The following MYOM3 variants were observed in gnomAD, a reference collection of about 807,000 sequenced individuals.
MYOM3 encodes the protein myomesin-3.
Under a neutral mutation model 191.7 loss-of-function variants are expected in MYOM3, and 155 were observed. The ratio of observed to expected loss-of-function variants is 0.81; its 90% CI spans 0.71 to 0.92. The LOEUF (loss-of-function observed/expected upper bound fraction) is 0.92. MYOM3 is among the 40% of genes least tolerant of loss of function. The pLI, the probability that MYOM3 is intolerant of heterozygous loss-of-function variation, is 0.00. For missense variants in MYOM3, 1,889 were observed against 1,890.6 expected (o/e 1.00, Z 0.02); for synonymous variants, 757 against 762.9 (o/e 0.99, Z 0.13).
At position 24,108,106 on chromosome 1, in the gene MYOM3, T is replaced by C. The variant is rs765671838; in HGVS notation, c.162-33A>G. The C allele has an allele frequency of 2.5e-6, 4 of 1,600,820 alleles. No homozygotes were observed. The South Asian group carries it at 4.5e-5, about 18-fold the overall frequency. On this transcript the variant is annotated intron_variant, in intron 2 of 36. Coordinates refer to ENST00000374434, the MANE Select transcript of MYOM3 (RefSeq NM_152372.4). Reference sequence around the variant, plus strand: ...CAGAAGGAGGGGAGTAAATGGCTCTTGCAGGATTGGCTGGGGGCTCCCTGA... The same window carrying C: ...CAGAAGGAGGGGAGTAAATGGCTCTCGCAGGATTGGCTGGGGGCTCCCTGA...
At chr1:24,065,324 G>T (rs958258148) in intron 29 of MYOM3, among the ~76,000 whole-genome samples, 7 of 152,192 alleles carry the variant, frequency 4.6e-5, no homozygotes, top group Non-Finnish European at 1.0e-4. Context: ...GCAGAAAAAG[G>T]TTGACGTTTG....
In MYOM3 at chr1:24,074,230, C is replaced by T. The variant is rs760433653; in HGVS notation, c.2898G>A (p.Leu966=). Residue 966 remains leucine, a synonymous_variant, in exon 23 of 37, where the codon TTG becomes TTA. Transcript: ENST00000374434. Reference sequence around the variant, plus strand: ...CAGTGACTATGACTGAGTAGGTGCCCAAATCCTCGAGGCCGGGTTCTTTCA... The same window carrying T: ...CAGTGACTATGACTGAGTAGGTGCCTAAATCCTCGAGGCCGGGTTCTTTCA... ...VILKEPGLED[L]GTYSVIVTDA... 1 of 1,614,064 alleles carries T rather than the reference C, an allele frequency of 6.2e-7. No individual in the cohort carries two copies. Among genetic ancestry groups the T allele is most frequent in the Admixed American group, 1.7e-5 (1 of 60,010 alleles).
intron 15 of MYOM3, 39 bp downstream of exon 15, chr1:24,086,605 G>A (rs781718591): frequency 2.8e-5 from 45 of 1,596,850 alleles, no homozygotes; most frequent in Non-Finnish European, 3.8e-5. Context: ...AGCCTGGCCT[G>A]GCCTGCCTCC....
chr1:24,088,209 CA>C (rs1643771096), intron 14 of MYOM3, among the ~76,000 whole-genome samples: 1 of 152,080 alleles, frequency 6.6e-6, no homozygotes, highest in Non-Finnish European at 1.5e-5. Context: ...CCTAGAAGCA[CA>C]AGGGGACCCA....
At chr1:24,081,842 C>T (rs1643673222) in intron 18 of MYOM3, 159 bp downstream of exon 18, 3 of 727,242 alleles carry the variant, frequency 4.1e-6, no homozygotes, top group Non-Finnish European at 4.5e-6. Context: ...CTAAACAGTT[C>T]TGTTCAAGGT....
chr1:24,079,321 C>T (rs1643639771), intron 20 of MYOM3, among the ~76,000 whole-genome samples: 1 of 152,028 alleles, frequency 6.6e-6, no homozygotes, highest in East Asian at 1.9e-4. Context: ...CCACTTCAGC[C>T]TCCCGAGTAG....
intron 5 of MYOM3, among the ~76,000 whole-genome samples, chr1:24,102,463 C>G (rs71640821): frequency 6.6e-6 from 1 of 152,040 alleles, no homozygotes; most frequent in African/African-American, 2.4e-5. Flanking sequence ...GCTCACCCCT[C>G]CCTCTCTCTG....
intron 3 of MYOM3, 21 bp from the exon 4 acceptor site, chr1:24,107,253 G>A (rs780909460): frequency 1.8e-5 from 29 of 1,581,040 alleles, no homozygotes; most frequent in Middle Eastern, 1.7e-4. Context: ...AGAGGCCATC[G>A]GGGCTCAGGC....
intron 2 of MYOM3, 62 bp from the exon 3 acceptor site, chr1:24,108,135 T>C: frequency 2.7e-6 from 4 of 1,503,290 alleles, no homozygotes; most frequent in Non-Finnish European, 3.7e-6. Flanking sequence ...TCCCTGAGAT[T>C]AGGGCTGCAT....
Position 24,063,982 on chromosome 1 carries a change from G to T in MYOM3, c.3622+90C>A. 1.0e-6 allele frequency: 1 copy of T among 959,930 alleles called. No homozygotes were observed. The highest frequency in any genetic ancestry group is 1.5e-5 in the South Asian group (1 of 66,850). 59.5% of individuals were successfully genotyped at this position (959,930 alleles called of 1,614,324 possible). A position where few individuals can be genotyped will look rare whatever the true frequency, so the allele number is the denominator to read the frequency against. Reference sequence around the variant, plus strand: ...GTGCCTCAATTTCTCCAAGTGACATGGGGATCCCATAAATCTTACTGCACA... The same window carrying T: ...GTGCCTCAATTTCTCCAAGTGACATTGGGATCCCATAAATCTTACTGCACA... On this transcript the variant is annotated intron_variant, in intron 30 of 36. Transcript: ENST00000374434. The surrounding 1 kb of genome is among the most constrained non-coding windows in gnomAD (Gnocchi z 4.5).
Position 24,065,929 on chromosome 1 carries a change from C to T in MYOM3, c.3496G>A (p.Asp1166Asn). 6.2e-7 allele frequency: 1 copy of T among 1,614,116 alleles called. No homozygotes were observed. Among genetic ancestry groups the T allele is most frequent in the Non-Finnish European group, 8.5e-7 (1 of 1,179,930 alleles). Residue 1166 changes from aspartate (D) to asparagine (N), a missense_variant, in exon 29 of 37, where the codon GAC becomes AAC. Asp to Asn is a conservative substitution (Grantham distance 23). Coordinates refer to ENST00000374434, the MANE Select transcript of MYOM3 (RefSeq NM_152372.4). ...QRAEMPDGQY[D>N]PETGTGLLCI... ...AGAAGTCCCGTTCCCGTCTCTGGGT[C>T]ATACTGACCATCTGGCATCTCTGCC...
At chr1:24,080,915 G>A (rs1643660799) in intron 19 of MYOM3, among the ~76,000 whole-genome samples, 1 of 152,140 alleles carries the variant, frequency 6.6e-6, no homozygotes, top group Admixed American at 6.5e-5. Context: ...CAGTGGGTAG[G>A]GTGGCCAACT....
chr1:24,072,832 G>A (rs1277255546), intron 23 of MYOM3, among the ~76,000 whole-genome samples: 1 of 152,206 alleles, frequency 6.6e-6, no homozygotes, highest in Non-Finnish European at 1.5e-5. Context: ...ACTGTGCCTG[G>A]CCTGCTGACT....
intron 29 of MYOM3, 150 bp from the exon 30 acceptor site, chr1:24,064,309 C>G: frequency 1.7e-6 from 1 of 600,102 alleles, no homozygotes; most frequent in South Asian, 2.0e-5. Flanking sequence ...TCCATTTACT[C>G]ATCTGGGCTG....
intron 15 of MYOM3, among the ~76,000 whole-genome samples, chr1:24,086,210 G>T (rs1311020441): frequency 6.6e-6 from 1 of 152,068 alleles, no homozygotes; most frequent in African/African-American, 2.4e-5. Context: ...CAGGTCCCCC[G>T]TTATGCTGCA....
chr1:24,076,101 AC>A (rs1342522476), intron 21 of MYOM3, 57 bp downstream of exon 21: 68 of 1,387,442 alleles, frequency 4.9e-5, no homozygotes, highest in Non-Finnish European at 6.7e-5. Context: ...CTTGAACTCC[AC>A]CCGTCCCCAG....
At position 24,058,943 on chromosome 1, in the gene MYOM3, G is replaced by C. The variant is rs753915841; in HGVS notation, c.4031C>G (p.Ala1344Gly). Residue 1344 changes from alanine (A) to glycine (G), a missense_variant, in exon 36 of 37, where the codon GCC becomes GGC. Transcript: ENST00000374434. ...CAGTACCTTATCTTCCATGATAGTG[G>C]CCACATCCGGCAGACCTCTCACCAC... ...AKVVRGLPDV[A>G]TIMEDKTLCL... The C allele has an allele frequency of 5.6e-6, 9 of 1,611,412 alleles. No individual in the cohort carries two copies. The East Asian group carries it at 2.0e-4, about 36-fold the overall frequency.
Position 24,071,237 on chromosome 1 carries a change from G to T in MYOM3, c.3030C>A (p.Ser1010=). 1.2e-6 allele frequency: 2 copies of T among 1,613,124 alleles called. No individual in the cohort carries two copies. The highest frequency in any genetic ancestry group is 1.7e-6 in the Non-Finnish European group (2 of 1,179,586). Residue 1010 remains serine (S), a synonymous_variant, in exon 25 of 37, where the codon TCC becomes TCA. Transcript: ENST00000374434. ...GCTCCAGGATGTCAATGTTCCAGCC[G>T]GAGATCAGTTTGATCACTGGGAGGC... ...EIRNPVIKLI[S]GWNIDILERG... is the part of the protein sequence containing the mutation.
chr1:24,102,432 G>C (rs776078738), intron 5 of MYOM3, among the ~76,000 whole-genome samples: 1 of 152,122 alleles, frequency 6.6e-6, no homozygotes, highest in Non-Finnish European at 1.5e-5. Flanking sequence ...TGGCATGGCC[G>C]AGACAGCTGG....
Sources: allele counts gnomAD v4.1 joint callset (sites outside exome capture counted in the v4.1 genomes callset), GRCh38; gene constraint gnomAD v4.1.1; non-coding constraint Gnocchi (gnomAD v3.1); transcripts MANE v1.5; gene names NCBI Gene and HGNC (gene_info 2026-07-23, HGNC 2026-07-21).